PCDHGC3: variants seen among roughly 807,000 people sequenced by gnomAD.
PCDHGC3 encodes protocadherin gamma-C3.
PCDHGC3 carries 26 observed loss-of-function variants against 59.2 expected under a neutral mutation model. The observed-to-expected ratio is 0.44, with a 90% confidence interval of 0.32 to 0.61. The LOEUF (loss-of-function observed/expected upper bound fraction) is 0.61. PCDHGC3 is among the 20% of genes least tolerant of loss of function. The pLI is 0.05. For missense variants in PCDHGC3, 1,080 were observed against 1,221.8 expected (o/e 0.88, Z 1.73); for synonymous variants, 487 against 519.7 (o/e 0.94, Z 0.86).
intron 1 of PCDHGC3, chr5:141,478,778 C>A: frequency 6.7e-7 from 1 of 1,488,178 alleles, no homozygotes; most frequent in Non-Finnish European, 8.9e-7. Flanking sequence ...ATCTGTGGAC[C>A]TAATTCACAT....
Position 141,478,249 on chromosome 5 carries a change from A to T in PCDHGC3, c.2133A>T (p.Gly711=). ...TGGGGTTTGTGGTCACAGTGTTCGGAGTAATCATATTCAAAGTTTACAAGT... is the reference window on the plus strand; with the variant it reads ...TGGGGTTTGTGGTCACAGTGTTCGGTGTAATCATATTCAAAGTTTACAAGT... ...VSVGFVVTVF[G]VIIFKVYKWK... Residue 711 remains glycine, a synonymous_variant, in exon 1 of 4, where the codon GGA becomes GGT. Transcript: ENST00000308177. 1 of 1,614,110 alleles carries T rather than the reference A, an allele frequency of 6.2e-7. No individual in the cohort carries two copies. The highest frequency in any genetic ancestry group is 1.3e-5 in the African/African-American group (1 of 75,056).
In PCDHGC3 at chr5:141,478,473, A is replaced by G. The variant is rs2099458384; in HGVS notation, c.2357A>G (p.Gln786Arg). ...PGAASPLASR[Q>R]NTLRSCDPVF... ...GCAGCCAGTCCACTGGCCAGCCGCC[A>G]GAACACGCTGCGGAGCTGTGATCCG... The change falls in exon 1 of 4, where the codon CAG becomes CGG. Residue 786 changes from glutamine (Q) to arginine (R), a missense_variant. Coordinates refer to ENST00000308177, the MANE Select transcript of PCDHGC3 (RefSeq NM_002588.4). 1 of 1,613,742 alleles carries G rather than the reference A, an allele frequency of 6.2e-7. No individual in the cohort carries two copies. The highest frequency in any genetic ancestry group is 1.3e-5 in the African/African-American group (1 of 74,946).
chr5:141,512,262 C>G lies in PCDHGC3; in HGVS notation c.*1089C>G, dbSNP rs925517361. On this transcript the variant is annotated 3_prime_UTR_variant, in exon 4 of 4. Transcript: ENST00000308177. ...GAGGGGCCTCTGTGGGTGCTGGGTA[C>G]TCCAGAGGTGCCACTGGTGGAAGGG... 1 of 152,712 alleles carries G rather than the reference C, an allele frequency of 6.5e-6. No homozygotes were observed. The highest frequency in any genetic ancestry group is 2.4e-5 in the African/African-American group (1 of 41,452). 9.5% of individuals were successfully genotyped at this position (152,712 alleles called of 1,614,324 possible).
rs778744503 is a variant in PCDHGC3, at chr5:141,511,152, G to A, written c.2784G>A (p.Ser928=). Residue 928 remains serine (S), a synonymous_variant, in exon 4 of 4, where the codon TCG becomes TCA. Transcript: ENST00000308177. The part of the protein sequence containing the change: ...PAGGNGNKKK[S]GKKEKK ...GTGGCAATGGCAACAAGAAGAAGTCGGGCAAGAAGGAGAAGAAGTAACATG... is the reference window on the plus strand; with the variant it reads ...GTGGCAATGGCAACAAGAAGAAGTCAGGCAAGAAGGAGAAGAAGTAACATG... The A allele has an allele frequency of 2.0e-5, 32 of 1,614,022 alleles. No individual in the cohort carries two copies. Among genetic ancestry groups the A allele is most frequent in the South Asian group, 4.4e-5 (4 of 91,090 alleles).
chr5:141,488,885 T>C (rs1401230063), intron 1 of PCDHGC3, among the ~76,000 whole-genome samples: 1 of 152,194 alleles, frequency 6.6e-6, no homozygotes, highest in Admixed American at 6.5e-5. Flanking sequence ...GAAGCTTCTG[T>C]GACACAGATT....
In PCDHGC3 at chr5:141,489,493, G is replaced by C. The variant is rs1485293604; in HGVS notation, c.2431-5314G>C. 3 of 1,614,078 alleles carry C rather than the reference G, an allele frequency of 1.9e-6. No homozygotes were observed. The South Asian group carries it at 3.3e-5, about 18-fold the overall frequency. On this transcript the variant is annotated intron_variant, in intron 1 of 3. Coordinates refer to ENST00000308177, the MANE Select transcript of PCDHGC3 (RefSeq NM_002588.4). This position sits in a 1 kb window ranked among gnomAD's most constrained non-coding sequence, Gnocchi z 4.5. Reference sequence around the variant, plus strand: ...CCTGAGCTTGATGAGTGGTGCCCTGGCAGTGAATCAAAAGATTGACCGAGA... The same window carrying C: ...CCTGAGCTTGATGAGTGGTGCCCTGCCAGTGAATCAAAAGATTGACCGAGA...
rs1157645386 is a variant in PCDHGC3 at position 141,477,622 on chromosome 5, A to C, written c.1506A>C (p.Glu502Asp). Residue 502 changes from glutamate to aspartate, a missense_variant, in exon 1 of 4, where the codon GAA (glutamate) becomes GAC (aspartate). Coordinates refer to ENST00000308177, the MANE Select transcript of PCDHGC3 (RefSeq NM_002588.4). This position sits in a 1 kb window ranked among gnomAD's most constrained non-coding sequence, Gnocchi z 4.9. ...TCTTTCTCTTGGAGCAAGGAGCTGA[A>C]ACCGGGCTAGTGGGTCGCTATTTCA... ...LSFFLLEQGA[E>D]TGLVGRYFTI... 1 of 1,614,108 alleles carries C rather than the reference A, an allele frequency of 6.2e-7. No homozygotes were observed. The highest frequency in any genetic ancestry group is 2.2e-5 in the East Asian group (1 of 44,904).
Position 141,478,435 on chromosome 5 carries a change from G to A in PCDHGC3, c.2319G>A (p.Leu773=). Reference sequence around the variant, plus strand: ...ACTCCCGCCGCAGCGACCCGCTGCTGAAGAAACCTGGTGCAGCCAGTCCAC... The same window carrying A: ...ACTCCCGCCGCAGCGACCCGCTGCTAAAGAAACCTGGTGCAGCCAGTCCAC... ...TTDSRRSDPL[L]KKPGAASPLA... The change falls in exon 1 of 4, where the codon CTG becomes CTA. Residue 773 remains leucine, a synonymous_variant. Coordinates refer to ENST00000308177, the MANE Select transcript of PCDHGC3 (RefSeq NM_002588.4). The A allele has an allele frequency of 6.2e-7, 1 of 1,613,736 alleles. No homozygotes were observed. The highest frequency in any genetic ancestry group is 8.5e-7 in the Non-Finnish European group (1 of 1,179,996).
In PCDHGC3 at chr5:141,485,589, A is replaced by G. The variant is rs1407992185; in HGVS notation, c.2430+7043A>G. 6.2e-7 allele frequency: 1 copy of G among 1,612,610 alleles called. No homozygotes were observed. Among genetic ancestry groups the G allele is most frequent in the Non-Finnish European group, 8.5e-7 (1 of 1,178,834 alleles). On this transcript the variant is annotated intron_variant, in intron 1 of 3. Coordinates refer to ENST00000308177, the MANE Select transcript of PCDHGC3 (RefSeq NM_002588.4). The surrounding 1 kb of genome is among the most constrained non-coding windows in gnomAD (Gnocchi z 5.7). Reference sequence around the variant, plus strand: ...CCCCGTTTTCCGCGGCAGCAGCTGGACTTGGAAATTGGGGAGGCAGCTCCT... The same window carrying G: ...CCCCGTTTTCCGCGGCAGCAGCTGGGCTTGGAAATTGGGGAGGCAGCTCCT...
Position 141,490,252 on chromosome 5 carries a change from G to A in PCDHGC3, c.2431-4555G>A, listed in dbSNP as rs150107963. The A allele has an allele frequency of 1.9e-6, 3 of 1,614,252 alleles. No homozygotes were observed. Among genetic ancestry groups the A allele is most frequent in the Non-Finnish European group, 1.7e-6 (2 of 1,180,046 alleles). The stretch of plus-strand genomic sequence containing the variant: ...CATGGAGGGCCACTGTGTGATTCAA[G>A]TGGATGTGGGGGATGTCAATGACAA... On this transcript the variant is annotated intron_variant, in intron 1 of 3. Coordinates refer to ENST00000308177, the MANE Select transcript of PCDHGC3 (RefSeq NM_002588.4). This position sits in a 1 kb window ranked among gnomAD's most constrained non-coding sequence, Gnocchi z 5.4.
intron 1 of PCDHGC3, among the ~76,000 whole-genome samples, chr5:141,488,839 G>A (rs954244872): frequency 2.6e-5 from 4 of 152,206 alleles, no homozygotes; most frequent in African/African-American, 9.6e-5. Flanking sequence ...CAAGGGGGCT[G>A]AATCAACCTG....
In PCDHGC3 at chr5:141,511,236, C is replaced by T; in HGVS notation, c.*63C>T. 4 of 1,591,606 alleles carry T rather than the reference C, an allele frequency of 2.5e-6. No individual in the cohort carries two copies. Among genetic ancestry groups the T allele is most frequent in the Admixed American group, 3.6e-5 (2 of 56,022 alleles). ...CCCAACCAGCCCAGCTTCTCCTTAC[C>T]TGCACCCAGGCCTCAGAGTTTCAGG... On this transcript the variant is annotated 3_prime_UTR_variant, in exon 4 of 4. Transcript: ENST00000308177.
At position 141,511,127 on chromosome 5, in the gene PCDHGC3, G is replaced by C; in HGVS notation, c.2759G>C (p.Gly920Ala). 1 of 1,614,194 alleles carries C rather than the reference G, an allele frequency of 6.2e-7. No individual in the cohort carries two copies. Among genetic ancestry groups the C allele is most frequent in the Non-Finnish European group, 8.5e-7 (1 of 1,180,018 alleles). The change falls in exon 4 of 4, where the codon GGT becomes GCT. Residue 920 changes from glycine to alanine, a missense_variant. Coordinates refer to ENST00000308177, the MANE Select transcript of PCDHGC3 (RefSeq NM_002588.4). ...AGKRDGKAPA[G>A]GNGNKKKSGK... ...AAGCGGGATGGCAAGGCCCCAGCAG[G>C]TGGCAATGGCAACAAGAAGAAGTCG...
chr5:141,497,032 T>C (rs1206131945), intron 2 of PCDHGC3, among the ~76,000 whole-genome samples: 1 of 151,652 alleles, frequency 6.6e-6, no homozygotes, highest in East Asian at 1.9e-4. Flanking sequence ...CGATTAAAAA[T>C]ACAAAAATTA....
intron 2 of PCDHGC3, among the ~76,000 whole-genome samples, chr5:141,501,761 G>C (rs906778888): frequency 2.6e-5 from 4 of 152,090 alleles, no homozygotes; most frequent in African/African-American, 4.8e-5. Flanking sequence ...CTCAGTAAAT[G>C]GTTAAAAAAG....
chr5:141,504,228 C>T lies in PCDHGC3; in HGVS notation c.2490-1165C>T, dbSNP rs114896014. Among the ~76,000 whole-genome samples, 193 of 152,312 alleles carry T rather than the reference C, an allele frequency of 1.3e-3. 1 individual carries two copies. The highest frequency in any genetic ancestry group is 2.1e-3 in the Admixed American group (32 of 15,304). ...AAAATTCCAAGTAGAGCTGAACCTT[C>T]TAAGAAGCAGAGAGTTCTTCTTATG... On this transcript the variant is annotated intron_variant, in intron 2 of 3. Coordinates refer to ENST00000308177, the MANE Select transcript of PCDHGC3 (RefSeq NM_002588.4).
At chr5:141,483,179 G>C (rs2099577971) in intron 1 of PCDHGC3, among the ~76,000 whole-genome samples, 2 of 152,294 alleles carry the variant, frequency 1.3e-5, no homozygotes, top group African/African-American at 4.8e-5. Flanking sequence ...TTTGGGCCAA[G>C]CCAAGGAGTT....
chr5:141,490,065 C>A lies in PCDHGC3; in HGVS notation c.2431-4742C>A, dbSNP rs1161257597. ...CTGATCCAGACGAGGGCACCAACGG[C>A]CAACTAGACTATTCTTTTGGAGACC... On this transcript the variant is annotated intron_variant, in intron 1 of 3. Coordinates refer to ENST00000308177, the MANE Select transcript of PCDHGC3 (RefSeq NM_002588.4). This position sits in a 1 kb window ranked among gnomAD's most constrained non-coding sequence, Gnocchi z 5.4. 1 of 1,614,258 alleles carries A rather than the reference C, an allele frequency of 6.2e-7. No individual in the cohort carries two copies. Among genetic ancestry groups the A allele is most frequent in the South Asian group, 1.1e-5 (1 of 91,090 alleles).
At chr5:141,509,354 A>G (rs1229726913) in intron 3 of PCDHGC3, among the ~76,000 whole-genome samples, 2 of 152,144 alleles carry the variant, frequency 1.3e-5, no homozygotes, top group Non-Finnish European at 2.9e-5. Context: ...TGGCCTGGGC[A>G]TCCCTGAGGT....
Sources: allele counts gnomAD v4.1 joint callset (sites outside exome capture counted in the v4.1 genomes callset), GRCh38; gene constraint gnomAD v4.1.1; non-coding constraint Gnocchi (gnomAD v3.1); transcripts MANE v1.5; gene names NCBI Gene and HGNC (gene_info 2026-07-23, HGNC 2026-07-21).